The following ADAMTS17 variants were observed in gnomAD, a reference collection of about 807,000 sequenced individuals.
ADAMTS17 encodes the protein ADAM metallopeptidase with thrombospondin type 1 motif 17.
Under a neutral mutation model 141.5 loss-of-function variants are expected in ADAMTS17, and 113 were observed. The observed-to-expected ratio is 0.80, with a 90% CI of 0.69 to 0.93. ADAMTS17 has a LOEUF of 0.93. Ranked by LOEUF, ADAMTS17 falls within the 40% of genes least tolerant of loss-of-function variation. The pLI, the probability that ADAMTS17 is intolerant of heterozygous loss-of-function variation, is 0.00. For missense variants in ADAMTS17, 1,659 were observed against 1,517.9 expected, an observed-to-expected ratio of 1.09 and a Z score of -1.54; for synonymous variants, 768 against 630.6, an observed-to-expected ratio of 1.22 and a Z score of -3.27.
intron 18 of ADAMTS17, among the ~76,000 whole-genome samples, chr15:100,032,229 C>G (rs1215732944): frequency 6.6e-6 from 1 of 152,144 alleles, no homozygotes; most frequent in Non-Finnish European, 1.5e-5. Flanking sequence ...CCCAGCCCCT[C>G]CAAGCTCAAG....
At chr15:100,227,341 G>A (rs948460152) in intron 7 of ADAMTS17, among the ~76,000 whole-genome samples, 1 of 29,998 alleles carries the variant, frequency 3.3e-5, no homozygotes, top group Non-Finnish European at 6.8e-5. Context: ...ACCCACATCA[G>A]AAATCCTCAC....
rs528182087 is a variant in ADAMTS17, at chr15:100,014,276, C to A, written c.2592-16687G>T. 2.2e-4 allele frequency among the ~76,000 whole-genome samples: 33 copies of A among 152,184 alleles called. No individual in the cohort carries two copies. The South Asian group carries it at 6.9e-3, about 32-fold the overall frequency. On this transcript the variant is annotated intron_variant, in intron 18 of 21. Transcript: ENST00000268070. Reference sequence around the variant, plus strand: ...TGAGGTTATTTGGATTTTCTCTCTTCTTTTCTTGGTTACTCTTGCTAAAGG... The same window carrying A: ...TGAGGTTATTTGGATTTTCTCTCTTATTTTCTTGGTTACTCTTGCTAAAGG...
intron 10 of ADAMTS17, among the ~76,000 whole-genome samples, chr15:100,142,783 A>T (rs2038721286): frequency 6.6e-6 from 1 of 152,188 alleles, no homozygotes; most frequent in Admixed American, 6.5e-5. Context: ...GAAAGGAGGG[A>T]GTATTACGTA....
At chr15:100,227,331 A>G (rs1365322108) in intron 7 of ADAMTS17, among the ~76,000 whole-genome samples, 1 of 8,338 alleles carries the variant, frequency 1.2e-4, no homozygotes, top group Non-Finnish European at 1.7e-4. Context: ...TGTCTTTCCC[A>G]CCCACATCAG....
chr15:100,241,556 G>C (rs529018461), intron 7 of ADAMTS17, among the ~76,000 whole-genome samples: 1 of 152,302 alleles, frequency 6.6e-6, no homozygotes, highest in African/African-American at 2.4e-5. Flanking sequence ...GGCCATGGCT[G>C]CCAGTTCTGT....
intron 3 of ADAMTS17, among the ~76,000 whole-genome samples, chr15:100,307,555 T>C (rs1178999610): frequency 6.6e-6 from 1 of 152,222 alleles, no homozygotes; most frequent in African/African-American, 2.4e-5. Context: ...CTTTTATTTA[T>C]TTTTCTGGCT....
chr15:100,303,890 T>A (rs1472468733), intron 3 of ADAMTS17, among the ~76,000 whole-genome samples: 1 of 151,986 alleles, frequency 6.6e-6, no homozygotes, highest in Non-Finnish European at 1.5e-5. Context: ...GCCCGGCTAA[T>A]TTTTTGTATT....
At chr15:100,017,530 G>A (rs1410886523) in intron 18 of ADAMTS17, among the ~76,000 whole-genome samples, 1 of 152,230 alleles carries the variant, frequency 6.6e-6, no homozygotes, top group Admixed American at 6.5e-5. Context: ...GGAGCTCCCA[G>A]GGCCTTTCCC....
chr15:100,020,084 A>C (rs1194909548), intron 18 of ADAMTS17, among the ~76,000 whole-genome samples: 2 of 152,176 alleles, frequency 1.3e-5, no homozygotes, highest in East Asian at 3.8e-4. Context: ...AATAAACACC[A>C]AAGTCCTGAA....
chr15:100,309,455 C>G (rs1308162745), intron 3 of ADAMTS17, among the ~76,000 whole-genome samples: 1 of 152,210 alleles, frequency 6.6e-6, no homozygotes, highest in Non-Finnish European at 1.5e-5. Context: ...GCCCCCTGCC[C>G]AAGCCCCCTC....
At chr15:100,303,028 T>G (rs965022014) in intron 3 of ADAMTS17, among the ~76,000 whole-genome samples, 1 of 151,324 alleles carries the variant, frequency 6.6e-6, no homozygotes, top group African/African-American at 2.4e-5. Flanking sequence ...CCTTACTCCA[T>G]AGCCTGCAGA....
At position 100,196,282 on chromosome 15, in the gene ADAMTS17, G is replaced by T. The variant is rs190379510; in HGVS notation, c.1181+3036C>A. 3.9e-4 allele frequency among the ~76,000 whole-genome samples: 59 copies of T among 152,354 alleles called. No homozygotes were observed. In the East Asian group the frequency reaches 6.9e-3, roughly 18 times the overall value. On this transcript the variant is annotated intron_variant, in intron 8 of 21. Coordinates refer to ENST00000268070, the MANE Select transcript of ADAMTS17 (RefSeq NM_139057.4). ...CACTAGAAAGAGAAGAGGGAGGAAA[G>T]TATAATTCCAGGATGTAGATGAGTT... is the stretch of plus-strand genomic sequence containing the variant.
intron 4 of ADAMTS17, among the ~76,000 whole-genome samples, chr15:100,264,247 C>A (rs1397527553): frequency 4.6e-5 from 7 of 152,170 alleles, no homozygotes; most frequent in African/African-American, 1.7e-4. Context: ...TATCCCCAAG[C>A]CTGGGGGAGG....
intron 12 of ADAMTS17, among the ~76,000 whole-genome samples, chr15:100,118,632 C>T (rs921963178): frequency 1.3e-5 from 2 of 152,154 alleles, no homozygotes; most frequent in Admixed American, 6.5e-5. Flanking sequence ...GCAGAAGGGG[C>T]CTCGGACAGC....
At chr15:100,097,061 A>C (rs942167657) in intron 14 of ADAMTS17, among the ~76,000 whole-genome samples, 13 of 152,182 alleles carry the variant, frequency 8.5e-5, no homozygotes, top group Admixed American at 6.5e-4. Context: ...ATACCTTTTC[A>C]ACAAGGCACG....
Position 100,085,775 on chromosome 15 carries a change from A to C in ADAMTS17, c.2137+10581T>G, listed in dbSNP as rs1193247013. ...TTCATAAGTGAAGGAGAAATAAAAT[A>C]TTATACAGACAAGCAAATGCTGAGA... On this transcript the variant is annotated intron_variant, in intron 15 of 21. Transcript: ENST00000268070. Among the ~76,000 whole-genome samples the C allele has an allele frequency of 4.7e-5, 7 of 149,922 alleles. No homozygotes were observed. In the South Asian group the frequency reaches 1.1e-3, roughly 22 times the overall value.
intron 4 of ADAMTS17, 141 bp from the exon 5 acceptor site, chr15:100,262,576 A>C: frequency 1.6e-6 from 1 of 608,596 alleles, no homozygotes; most frequent in Non-Finnish European, 2.8e-6. Context: ...ACTTTAGTTT[A>C]TAACACTGTA....
At chr15:100,191,861 C>T (rs372961793) in intron 8 of ADAMTS17, among the ~76,000 whole-genome samples, 108 of 152,046 alleles carry the variant, frequency 7.1e-4, no homozygotes, top group African/African-American at 2.4e-3. Flanking sequence ...GGGTCCTCCA[C>T]AGTCGCAAGC....
chr15:100,293,708 G>T (rs1186236950), intron 3 of ADAMTS17, among the ~76,000 whole-genome samples: 1 of 151,906 alleles, frequency 6.6e-6, no homozygotes, highest in Non-Finnish European at 1.5e-5. Context: ...TGCACTTTGA[G>T]AGTCTACACT....
Sources: gnomAD v4.1 joint callset for allele counts (sites outside exome capture counted in the v4.1 genomes callset) on GRCh38, gnomAD v4.1.1 for gene constraint, MANE v1.5 for transcripts, NCBI Gene and HGNC (gene_info 2026-07-23, HGNC 2026-07-21) for gene names.